MBOAT2: variants seen among roughly 807,000 people sequenced by gnomAD.
The protein encoded by MBOAT2 is membrane-bound glycerophospholipid O-acyltransferase 2.
A neutral mutation model predicts 63.4 loss-of-function variants in MBOAT2; 28 were observed. That is an observed-to-expected ratio of 0.44 (90% CI 0.33 to 0.61). The LOEUF is 0.61. Ranked by LOEUF, MBOAT2 falls within the 20% of genes least tolerant of loss-of-function variation. The pLI is 0.03. For synonymous variants in MBOAT2, 211 were observed against 215.6 expected, an observed-to-expected ratio of 0.98 and a Z score of 0.19; for missense variants, 470 against 605.8, an observed-to-expected ratio of 0.78 and a Z score of 2.35.
chr2:8,968,636 G>C (rs1248391356), intron 1 of MBOAT2, among the ~76,000 whole-genome samples: 1 of 152,110 alleles, frequency 6.6e-6, no homozygotes, highest in East Asian at 1.9e-4. Flanking sequence ...CTTGAAAAAA[G>C]ATTAGACGAA....
chr2:8,919,093 T>G (rs1237435232), intron 3 of MBOAT2, among the ~76,000 whole-genome samples: 2 of 152,240 alleles, frequency 1.3e-5, no homozygotes, highest in Non-Finnish European at 2.9e-5. Flanking sequence ...TTTGTTCCTT[T>G]GTAAACTGCC....
At chr2:8,911,793 T>C (rs1665727562) in intron 3 of MBOAT2, among the ~76,000 whole-genome samples, 1 of 152,290 alleles carries the variant, frequency 6.6e-6, no homozygotes, top group East Asian at 1.9e-4. Context: ...ATGCTCAATG[T>C]TGAACTTTGT....
intron 1 of MBOAT2, among the ~76,000 whole-genome samples, chr2:8,982,531 C>G (rs547908227): frequency 6.6e-6 from 1 of 152,292 alleles, no homozygotes; most frequent in South Asian, 2.1e-4. Flanking sequence ...AAACAGTCAG[C>G]TCTAGACAAC....
At chr2:8,943,348 T>A in intron 2 of MBOAT2, 84 bp from the exon 3 acceptor site, 1 of 745,650 alleles carries the variant, frequency 1.3e-6, no homozygotes, top group Non-Finnish European at 2.2e-6. Context: ...AAAATACTTA[T>A]GCATAACACA....
At chr2:8,903,409 G>A (rs943126942) in intron 4 of MBOAT2, among the ~76,000 whole-genome samples, 12 of 152,184 alleles carry the variant, frequency 7.9e-5, no homozygotes, top group African/African-American at 2.9e-4. Flanking sequence ...CATTTACCAA[G>A]CCTCTGATAC....
intron 1 of MBOAT2, among the ~76,000 whole-genome samples, chr2:8,976,267 C>G (rs1306660680): frequency 6.6e-6 from 1 of 151,934 alleles, no homozygotes; most frequent in Non-Finnish European, 1.5e-5. Flanking sequence ...CACCTACCTA[C>G]CAGGCTAATA....
chr2:8,952,112 T>C (rs554864092), intron 2 of MBOAT2, among the ~76,000 whole-genome samples: 2 of 152,366 alleles, frequency 1.3e-5, no homozygotes, highest in South Asian at 2.1e-4. Flanking sequence ...GATTTTGGTA[T>C]ATTGTGTCTC....
At chr2:8,969,278 A>T (rs1288191847) in intron 1 of MBOAT2, among the ~76,000 whole-genome samples, 4 of 152,146 alleles carry the variant, frequency 2.6e-5, no homozygotes, top group Non-Finnish European at 5.9e-5. Context: ...ACTAAGCTTC[A>T]TAAGTGAAGG....
intron 5 of MBOAT2, among the ~76,000 whole-genome samples, chr2:8,885,032 C>T: frequency 6.6e-6 from 1 of 152,220 alleles, no homozygotes; most frequent in East Asian, 1.9e-4. Flanking sequence ...GCCACTGCTG[C>T]TGTGTCTAAC....
intron 6 of MBOAT2, among the ~76,000 whole-genome samples, chr2:8,880,831 G>C (rs13399632): frequency 6.6e-6 from 1 of 152,158 alleles, no homozygotes; most frequent in Admixed American, 6.5e-5. Context: ...AAGGCTGACA[G>C]TGAAATCGGC....
chr2:8,912,416 A>AAAGG (rs199665950), intron 3 of MBOAT2, among the ~76,000 whole-genome samples: 8 of 135,220 alleles, frequency 5.9e-5, no homozygotes, highest in African/African-American at 2.4e-4. Flanking sequence ...AGAAAGAAAG[A>AAAGG]CAGGCCGGCC....
chr2:8,894,327 T>C (rs1664263005), intron 4 of MBOAT2, among the ~76,000 whole-genome samples: 1 of 152,230 alleles, frequency 6.6e-6, no homozygotes, highest in Non-Finnish European at 1.5e-5. Context: ...TGTTTACTCC[T>C]GGTAACTTGA....
intron 3 of MBOAT2, among the ~76,000 whole-genome samples, chr2:8,939,861 TG>T (rs1667924022): frequency 6.6e-6 from 1 of 152,250 alleles, no homozygotes; most frequent in South Asian, 2.1e-4. Context: ...GATTCTCCTC[TG>T]TCTGCTGATA....
intron 1 of MBOAT2, among the ~76,000 whole-genome samples, chr2:8,972,265 G>A (rs562854150): frequency 1.4e-4 from 22 of 152,214 alleles, no homozygotes; most frequent in African/African-American, 3.6e-4. Context: ...CAAGAAATGC[G>A]GAAAGGATTC....
intron 3 of MBOAT2, among the ~76,000 whole-genome samples, chr2:8,939,707 C>T (rs1218447213): frequency 6.6e-6 from 1 of 152,144 alleles, no homozygotes; most frequent in Non-Finnish European, 1.5e-5. Flanking sequence ...TCAGAAAAGA[C>T]ACATGGCCAA....
chr2:8,887,730 G>A (rs1026118679), intron 5 of MBOAT2, among the ~76,000 whole-genome samples: 15 of 152,166 alleles, frequency 9.9e-5, no homozygotes, highest in Admixed American at 9.8e-4. Flanking sequence ...ACCTGATCTA[G>A]ACCAAATGTC....
At chr2:8,945,838 A>G (rs1394793659) in intron 2 of MBOAT2, among the ~76,000 whole-genome samples, 1 of 152,160 alleles carries the variant, frequency 6.6e-6, no homozygotes, top group Non-Finnish European at 1.5e-5. Flanking sequence ...AAAAAAAAAG[A>G]GCACAGGTTT....
intron 8 of MBOAT2, among the ~76,000 whole-genome samples, chr2:8,869,219 T>G (rs977625090): frequency 1.4e-4 from 21 of 151,002 alleles, no homozygotes; most frequent in African/African-American, 4.9e-4. Context: ...TTTTTTTTTT[T>G]TTTTTTTTGT....
At position 8,868,425 on chromosome 2, in the gene MBOAT2, A is replaced by T. The variant is rs771065090; in HGVS notation, c.987+21T>A. On this transcript the variant is annotated intron_variant, in intron 9 of 12. Coordinates refer to ENST00000305997, the MANE Select transcript of MBOAT2 (RefSeq NM_138799.4). ...TGGTACTTAAAGTATATAGTAACTAACTTCTTAAAGATTGACTCACCTCTA... is the reference window on the plus strand; with the variant it reads ...TGGTACTTAAAGTATATAGTAACTATCTTCTTAAAGATTGACTCACCTCTA... 3.1e-6 allele frequency: 5 copies of T among 1,596,824 alleles called. No individual in the cohort carries two copies. The African/African-American group carries it at 6.7e-5, about 21-fold the overall frequency.
Sources: gnomAD v4.1 joint callset for allele counts (sites outside exome capture counted in the v4.1 genomes callset) on GRCh38, gnomAD v4.1.1 for gene constraint, MANE v1.5 for transcripts, NCBI Gene and HGNC (gene_info 2026-07-23, HGNC 2026-07-21) for gene names.